The following USH2A variants were observed in gnomAD, a reference collection of about 807,000 sequenced individuals.
USH2A encodes usherin, also known as Usher syndrome 2A (autosomal recessive, mild).
USH2A carries 443 observed loss-of-function variants against 538.9 expected under a neutral mutation model. The observed-to-expected ratio is 0.82, with a 90% confidence interval of 0.76 to 0.89. The LOEUF (loss-of-function observed/expected upper bound fraction) is 0.89. Among genes scored for constraint, USH2A ranks in the 40% least tolerant of loss-of-function variants. The probability of loss-of-function intolerance (pLI) is 0.00; values close to 1 mark genes in which losing one functional copy is unlikely to be tolerated. For missense variants in USH2A, 6,633 were observed against 6,324.8 expected, an observed-to-expected ratio of 1.05 and a Z score of -1.65; for synonymous variants, 2,413 against 2,273.5, an observed-to-expected ratio of 1.06 and a Z score of -1.75.
intron 49 of USH2A, among the ~76,000 whole-genome samples, chr1:215,806,075 G>C (rs563746403): frequency 6.9e-6 from 1 of 145,618 alleles, no homozygotes; most frequent in South Asian, 2.2e-4. Context: ...CCTTGACATA[G>C]AAAGTGAGAA....
At chr1:215,986,246 A>C (rs1188319524) in intron 35 of USH2A, among the ~76,000 whole-genome samples, 3 of 151,192 alleles carry the variant, frequency 2.0e-5, no homozygotes, top group Admixed American at 2.0e-4. Context: ...CAGCCTCCCA[A>C]GTAGCTGGGA....
chr1:216,252,765 G>A (rs1011021997), intron 11 of USH2A, among the ~76,000 whole-genome samples: 1 of 152,160 alleles, frequency 6.6e-6, no homozygotes, highest in Admixed American at 6.5e-5. Context: ...GTCTTATTCA[G>A]ATCTAGTCCA....
chr1:216,168,602 T>C (rs2034215835), intron 21 of USH2A, among the ~76,000 whole-genome samples: 1 of 152,124 alleles, frequency 6.6e-6, no homozygotes, highest in Non-Finnish European at 1.5e-5. Flanking sequence ...TGGGGACCTG[T>C]CTGCCTTTGT....
At chr1:215,935,454 T>C (rs1412009442) in intron 37 of USH2A, among the ~76,000 whole-genome samples, 1 of 151,946 alleles carries the variant, frequency 6.6e-6, no homozygotes, top group Non-Finnish European at 1.5e-5. Flanking sequence ...TTTAGCTTTA[T>C]GAGAAAATGC....
intron 56 of USH2A, among the ~76,000 whole-genome samples, chr1:215,763,541 G>A (rs1490649415): frequency 6.6e-6 from 1 of 152,144 alleles, no homozygotes; most frequent in Non-Finnish European, 1.5e-5. Flanking sequence ...TGGCATGGCT[G>A]GTGCACTGCA....
chr1:215,793,384 G>C (rs1230867841), intron 50 of USH2A, among the ~76,000 whole-genome samples: 2 of 152,064 alleles, frequency 1.3e-5, no homozygotes, highest in Non-Finnish European at 2.9e-5. Context: ...GAAAAAAAAG[G>C]TTTGTGATTA....
At chr1:216,110,111 T>C (rs2032831550) in intron 21 of USH2A, among the ~76,000 whole-genome samples, 1 of 152,174 alleles carries the variant, frequency 6.6e-6, no homozygotes, top group South Asian at 2.1e-4. Flanking sequence ...TTTTTTACTT[T>C]AGAAGCAGAT....
chr1:215,843,720 A>G (rs1280420885), intron 46 of USH2A, among the ~76,000 whole-genome samples: 1 of 152,140 alleles, frequency 6.6e-6, no homozygotes, highest in Non-Finnish European at 1.5e-5. Context: ...TATTTCTTTC[A>G]CCTTCAGATA....
At chr1:216,339,738 G>A (rs2038039745) in intron 4 of USH2A, among the ~76,000 whole-genome samples, 1 of 151,740 alleles carries the variant, frequency 6.6e-6, no homozygotes, top group Admixed American at 6.6e-5. Flanking sequence ...ACGACTCCTG[G>A]GTAAATAATG....
chr1:215,784,880 T>G (rs7527334), intron 52 of USH2A, among the ~76,000 whole-genome samples: 126,083 of 152,148 alleles, frequency 0.83, 52,391 homozygotes, highest in African/African-American at 0.88. Flanking sequence ...TTACAAGTAT[T>G]TATTAAAAGC....
intron 21 of USH2A, among the ~76,000 whole-genome samples, chr1:216,171,474 C>T (rs1481644109): frequency 6.6e-6 from 1 of 151,934 alleles, no homozygotes; most frequent in African/African-American, 2.4e-5. Context: ...AACATTTGAG[C>T]AAACATATTT....
At chr1:215,878,602 T>C (rs1450025997) in intron 42 of USH2A, among the ~76,000 whole-genome samples, 162 bp downstream of exon 42, 1 of 152,190 alleles carries the variant, frequency 6.6e-6, no homozygotes, top group Non-Finnish European at 1.5e-5. Flanking sequence ...CCATAATAAG[T>C]TGAAGTGTAC....
rs1655925328 is a variant in USH2A, at chr1:215,624,504, C to T, written c.*1277G>A. On this transcript the variant is annotated 3_prime_UTR_variant, in exon 72 of 72. Coordinates refer to ENST00000307340, the MANE Select transcript of USH2A (RefSeq NM_206933.4). ...AATATTTTCCTGGGGTCACAAAGAC[C>T]TTTAAGGATGAAGGAAGACAAGAGG... 6.6e-6 allele frequency: 1 copy of T among 152,106 alleles called. No homozygotes were observed. Among genetic ancestry groups the T allele is most frequent in the African/African-American group, 2.4e-5 (1 of 41,418 alleles). 9.4% of individuals were successfully genotyped at this position (152,106 alleles called of 1,614,324 possible).
At chr1:216,152,013 A>T (rs2033845246) in intron 21 of USH2A, among the ~76,000 whole-genome samples, 1 of 151,920 alleles carries the variant, frequency 6.6e-6, no homozygotes, top group Non-Finnish European at 1.5e-5. Flanking sequence ...CATCCCCACA[A>T]TATCACACCT....
chr1:215,776,432 G>C (rs1200581516), intron 55 of USH2A, among the ~76,000 whole-genome samples: 1 of 152,100 alleles, frequency 6.6e-6, no homozygotes, highest in East Asian at 1.9e-4. Context: ...CACATGATGA[G>C]TGCATTCGCC....
intron 30 of USH2A, among the ~76,000 whole-genome samples, chr1:216,050,617 T>C (rs1482384450): frequency 7.2e-5 from 7 of 97,666 alleles, no homozygotes; most frequent in African/African-American, 2.2e-4. Context: ...TTTTTTTTTT[T>C]TTTTTGAGAC....
intron 21 of USH2A, chr1:216,174,754 G>C (rs2034341900): frequency 9.0e-6 from 9 of 995,374 alleles, no homozygotes; most frequent in Non-Finnish European, 1.1e-5. Flanking sequence ...GTGAAAAAAA[G>C]AAGAAGGAAA....
chr1:215,664,272 T>C (rs1328962569), intron 64 of USH2A, among the ~76,000 whole-genome samples: 1 of 152,184 alleles, frequency 6.6e-6, no homozygotes, highest in East Asian at 1.9e-4. Flanking sequence ...ATTCATATGT[T>C]ATAATATAGC....
intron 21 of USH2A, among the ~76,000 whole-genome samples, chr1:216,136,085 T>C (rs1437622562): frequency 6.6e-6 from 1 of 152,088 alleles, no homozygotes; most frequent in African/African-American, 2.4e-5. Context: ...CCTCATGAAG[T>C]CACATAGAAT....
Sources: gnomAD v4.1 joint callset for allele counts (sites outside exome capture counted in the v4.1 genomes callset) on GRCh38, gnomAD v4.1.1 for gene constraint, MANE v1.5 for transcripts, NCBI Gene and HGNC (gene_info 2026-07-23, HGNC 2026-07-21) for gene names.